PHLDB2: variants seen among roughly 807,000 people sequenced by gnomAD.
PHLDB2 encodes pleckstrin homology-like domain family B member 2.
In PHLDB2, 71 loss-of-function variants were observed where a neutral mutation model predicts 123.6. That is an observed-to-expected ratio of 0.57 (90% confidence interval 0.47 to 0.70). The LOEUF (loss-of-function observed/expected upper bound fraction) is 0.70. Among genes scored for constraint, PHLDB2 ranks in the 30% least tolerant of loss-of-function variants. The pLI is 0.00. For missense variants in PHLDB2, 1,446 were observed against 1,519.5 expected, an observed-to-expected ratio of 0.95 and a Z score of 0.80; for synonymous variants, 547 against 541.6, an observed-to-expected ratio of 1.01 and a Z score of -0.14.
chr3:111,913,948 C>T, intron 3 of PHLDB2: 2 of 508,098 alleles, frequency 3.9e-6, no homozygotes, highest in Non-Finnish European at 3.5e-6. Flanking sequence ...CTTCTCCCTG[C>T]ACCCTTTCAG....
chr3:111,790,559 A>T (rs1350101375), intron 1 of PHLDB2, among the ~76,000 whole-genome samples: 1 of 152,236 alleles, frequency 6.6e-6, no homozygotes, highest in Non-Finnish European at 1.5e-5. Context: ...GTGAACTGAC[A>T]TGTGTTTGTG....
intron 1 of PHLDB2, among the ~76,000 whole-genome samples, chr3:111,875,651 C>CA (rs1280035122): frequency 4.6e-5 from 7 of 150,670 alleles, no homozygotes; most frequent in African/African-American, 1.7e-4. Context: ...GGTGAAACCC[C>CA]GTTTCTACTA....
chr3:111,832,061 T>A (rs895460337), intron 1 of PHLDB2, among the ~76,000 whole-genome samples: 1 of 152,138 alleles, frequency 6.6e-6, no homozygotes, highest in African/African-American at 2.4e-5. Flanking sequence ...CAGTCTTAGC[T>A]GCAAGCTCTA....
At chr3:111,873,397 C>T (rs1189852895) in intron 1 of PHLDB2, among the ~76,000 whole-genome samples, 2 of 152,096 alleles carry the variant, frequency 1.3e-5, no homozygotes, top group Non-Finnish European at 2.9e-5. Context: ...GACAGAGCTT[C>T]GTAATATTTT....
At chr3:111,832,129 C>T (rs2063067064) in intron 1 of PHLDB2, among the ~76,000 whole-genome samples, 1 of 152,146 alleles carries the variant, frequency 6.6e-6, no homozygotes, top group Admixed American at 6.5e-5. Context: ...GAAAGCCTGC[C>T]CAGATACACC....
intron 5 of PHLDB2, 104 bp downstream of exon 5, chr3:111,920,523 G>A (rs1373789358): frequency 5.0e-6 from 7 of 1,387,390 alleles, no homozygotes; most frequent in South Asian, 3.0e-5. Flanking sequence ...GGATTTGTGT[G>A]TCATGTTCCT....
chr3:111,735,433 T>C (rs923957199), intron 1 of PHLDB2, among the ~76,000 whole-genome samples: 3 of 152,312 alleles, frequency 2.0e-5, no homozygotes, highest in East Asian at 3.9e-4. Context: ...TAGCTGTCTG[T>C]CATAAATTCC....
chr3:111,822,505 G>GA (rs2062448910), intron 1 of PHLDB2, among the ~76,000 whole-genome samples: 1 of 152,116 alleles, frequency 6.6e-6, no homozygotes, highest in Admixed American at 6.6e-5. Context: ...TGTCAGAATT[G>GA]AAAATCTCCT....
intron 1 of PHLDB2, among the ~76,000 whole-genome samples, chr3:111,837,916 G>A (rs1348481520): frequency 6.6e-6 from 1 of 151,978 alleles, no homozygotes; most frequent in Admixed American, 6.6e-5. Flanking sequence ...AGTGATGCAC[G>A]CCTGTAATCT....
intron 1 of PHLDB2, among the ~76,000 whole-genome samples, chr3:111,816,871 C>T (rs1308298204): frequency 6.6e-6 from 1 of 152,182 alleles, no homozygotes; most frequent in Non-Finnish European, 1.5e-5. Flanking sequence ...GTTGTGGGAA[C>T]AACCCAGTGG....
chr3:111,775,000 T>C (rs888302964), intron 1 of PHLDB2, among the ~76,000 whole-genome samples: 1 of 152,214 alleles, frequency 6.6e-6, no homozygotes, highest in African/African-American at 2.4e-5. Context: ...TTAAGATTTA[T>C]ATTTAATAGC....
chr3:111,908,067 C>T (rs2067660648), intron 2 of PHLDB2, among the ~76,000 whole-genome samples: 1 of 152,164 alleles, frequency 6.6e-6, no homozygotes, highest in African/African-American at 2.4e-5. Context: ...TAATTTCAGT[C>T]TCCAGCTTGG....
chr3:111,771,238 T>A (rs2060171656), intron 1 of PHLDB2, among the ~76,000 whole-genome samples: 1 of 152,244 alleles, frequency 6.6e-6, no homozygotes, highest in South Asian at 2.1e-4. Flanking sequence ...GTTGGCTCCT[T>A]CTGAGGGCTG....
intron 1 of PHLDB2, among the ~76,000 whole-genome samples, chr3:111,864,438 G>A (rs2064972947): frequency 6.6e-6 from 1 of 152,164 alleles, no homozygotes; most frequent in African/African-American, 2.4e-5. Context: ...TTCTCTCTAT[G>A]TTCATCCAGG....
intron 1 of PHLDB2, among the ~76,000 whole-genome samples, chr3:111,836,161 C>G (rs932084153): frequency 6.6e-6 from 1 of 152,110 alleles, no homozygotes; most frequent in Non-Finnish European, 1.5e-5. Flanking sequence ...CAGAATAAAA[C>G]AGCTGCTGGA....
chr3:111,970,066 T>G (rs1395177774), intron 16 of PHLDB2, among the ~76,000 whole-genome samples, 157 bp downstream of exon 16: 1 of 152,186 alleles, frequency 6.6e-6, no homozygotes, highest in Non-Finnish European at 1.5e-5. Flanking sequence ...ATATTTAGAT[T>G]ATATAGTCCA....
chr3:111,738,376 C>T (rs2107914431), intron 1 of PHLDB2, among the ~76,000 whole-genome samples: 1 of 152,326 alleles, frequency 6.6e-6, no homozygotes, highest in Middle Eastern at 3.4e-3. Context: ...AATTTTTACA[C>T]ATCTTGGGGA....
intron 1 of PHLDB2, among the ~76,000 whole-genome samples, chr3:111,787,190 CT>C (rs2060717979): frequency 6.6e-6 from 1 of 152,076 alleles, no homozygotes; most frequent in East Asian, 1.9e-4. Flanking sequence ...CCTACTTGGC[CT>C]TTAGATATCT....
chr3:111,834,132 TATTATATGTAATAGAATTATATATATTA>T (rs1310329634), intron 1 of PHLDB2, among the ~76,000 whole-genome samples: 7 of 121,652 alleles, frequency 5.8e-5, no homozygotes, highest in Non-Finnish European at 9.5e-5. Context: ...ATTATATATA[TATTATATGTAATAGAATTATATATATTA>T]TATATGTAAT....
Sources: allele counts gnomAD v4.1 joint callset (sites outside exome capture counted in the v4.1 genomes callset), GRCh38; gene constraint gnomAD v4.1.1; transcripts MANE v1.5; gene names NCBI Gene and HGNC (gene_info 2026-07-23, HGNC 2026-07-21).